EHD2: variants seen among roughly 807,000 people sequenced by gnomAD.
The protein encoded by EHD2 is EH domain-containing protein 2.
EHD2 carries 27 observed loss-of-function variants against 41.0 expected under a neutral mutation model. The observed-to-expected ratio is 0.66, with a 90% CI of 0.49 to 0.91. The LOEUF is 0.91. Ranked by LOEUF, EHD2 falls within the 40% of genes least tolerant of loss-of-function variation. EHD2 has a pLI of 0.00. For missense variants in EHD2, 673 were observed against 773.9 expected, an observed-to-expected ratio of 0.87 and a Z score of 1.55; for synonymous variants, 342 against 341.0, an observed-to-expected ratio of 1.00 and a Z score of -0.03.
intron 3 of EHD2, among the ~76,000 whole-genome samples, chr19:47,723,417 T>C (rs1973717566): frequency 6.6e-6 from 1 of 152,002 alleles, no homozygotes; most frequent in African/African-American, 2.4e-5. Context: ...ATCTCAGCAC[T>C]TTGGGAGGCT....
chr19:47,721,491 T>G (rs1973696476), intron 3 of EHD2, among the ~76,000 whole-genome samples: 2 of 151,978 alleles, frequency 1.3e-5, no homozygotes, highest in South Asian at 4.2e-4. Context: ...TTTTTTTGTA[T>G]TTTTAGTAGA....
At chr19:47,737,876 CTTTTTTTTT>C (rs1226699986) in intron 5 of EHD2, among the ~76,000 whole-genome samples, 1 of 100,054 alleles carries the variant, frequency 1.0e-5, no homozygotes, top group Non-Finnish European at 2.0e-5. Context: ...GCCTGGCTAG[CTTTTTTTTT>C]TTTTTTTTTT....
At chr19:47,730,677 C>T (rs1973798955) in intron 4 of EHD2, among the ~76,000 whole-genome samples, 1 of 152,096 alleles carries the variant, frequency 6.6e-6, no homozygotes, top group South Asian at 2.1e-4. Context: ...AGGGTGTGGA[C>T]GAATCCTCTG....
intron 2 of EHD2, among the ~76,000 whole-genome samples, chr19:47,718,101 C>T (rs141221949): frequency 0.035 from 5,287 of 150,634 alleles, 168 homozygotes; most frequent in African/African-American, 0.089. Context: ...GGTGAAACCC[C>T]GTCTCTACTA....
At position 47,725,982 on chromosome 19, in the gene EHD2, G is replaced by A. The variant is rs1250249549; in HGVS notation, c.673G>A (p.Glu225Lys). Residue 225 changes from glutamate (E) to lysine (K), a missense_variant, in exon 4 of 6, where the codon GAG becomes AAG. Coordinates refer to ENST00000263277, the MANE Select transcript of EHD2 (RefSeq NM_014601.4). The part of the protein sequence containing the change: ...RVVLNKADMV[E>K]TQQLMRVYGA... ...GGTGCTCAACAAGGCCGACATGGTG[G>A]AGACGCAGCAGCTGATGCGCGTCTA... 1 of 1,611,906 alleles carries A rather than the reference G, an allele frequency of 6.2e-7. No homozygotes were observed. The highest frequency in any genetic ancestry group is 8.5e-7 in the Non-Finnish European group (1 of 1,178,466).
In EHD2 at chr19:47,726,026, G is replaced by T; in HGVS notation, c.717G>T (p.Ala239=). 1 of 1,598,298 alleles carries T rather than the reference G, an allele frequency of 6.3e-7. No individual in the cohort carries two copies. Among genetic ancestry groups the T allele is most frequent in the Non-Finnish European group, 8.5e-7 (1 of 1,171,634 alleles). ...GCGTCTACGGCGCGCTCATGTGGGC[G>T]CTGGGCAAGGTGGTGGGCACGCCCG... The part of the protein sequence containing the change: ...LMRVYGALMW[A]LGKVVGTPEV... Residue 239 remains alanine, a synonymous_variant, in exon 4 of 6, where the codon GCG becomes GCT. Coordinates refer to ENST00000263277, the MANE Select transcript of EHD2 (RefSeq NM_014601.4).
In EHD2 at chr19:47,714,581, G is replaced by A. The variant is rs143416008; in HGVS notation, c.-56+1043G>A. ...TGGAGGTGCTCATTGCTCCTGGGTT[G>A]GTCATGGCTAACCTCCCTAACTCAG... On this transcript the variant is annotated intron_variant, in intron 1 of 5. Transcript: ENST00000263277. 2.8e-3 allele frequency among the ~76,000 whole-genome samples: 422 copies of A among 152,200 alleles called. 4 individuals are homozygous for A. Among genetic ancestry groups the A allele is most frequent in the African/African-American group, 9.5e-3 (396 of 41,530 alleles).
chr19:47,717,113 T>C, intron 2 of EHD2, 97 bp downstream of exon 2: 1 of 1,485,570 alleles, frequency 6.7e-7, no homozygotes. Flanking sequence ...AGTGGTGCGA[T>C]CTCAGCTCAT....
Position 47,719,867 on chromosome 19 carries a change from G to C in EHD2, c.502+1261G>C, listed in dbSNP as rs929864285. Reference sequence around the variant, plus strand: ...GGTTCAAAGGCCATGGGTGGTGGGGGAGTGGGGAACGGGGTCTCCCTCCCT... The same window carrying C: ...GGTTCAAAGGCCATGGGTGGTGGGGCAGTGGGGAACGGGGTCTCCCTCCCT... On this transcript the variant is annotated intron_variant, in intron 3 of 5. Transcript: ENST00000263277. This position sits in a 1 kb window ranked among gnomAD's most constrained non-coding sequence, Gnocchi z 4.1. Among the ~76,000 whole-genome samples, 18 of 152,078 alleles carry C rather than the reference G, an allele frequency of 1.2e-4. No homozygotes were observed. Among genetic ancestry groups the C allele is most frequent in the African/African-American group, 4.3e-4 (18 of 41,406 alleles).
At chr19:47,737,876 C>CTTTTT (rs1226699986) in intron 5 of EHD2, among the ~76,000 whole-genome samples, 12 of 100,044 alleles carry the variant, frequency 1.2e-4, no homozygotes, top group Non-Finnish European at 1.6e-4. Context: ...GCCTGGCTAG[C>CTTTTT]TTTTTTTTTT....
In EHD2 at chr19:47,741,044, A is replaced by G. The variant is rs768782730; in HGVS notation, c.1244A>G (p.Glu415Gly). ...GTGGGCGTGCAGGGGGGCGCTTTTGAGGGCACCCACATGGGCCCGTTTGTG... is the reference window on the plus strand; with the variant it reads ...GTGGGCGTGCAGGGGGGCGCTTTTGGGGGCACCCACATGGGCCCGTTTGTG... ...TEVGVQGGAF[E>G]GTHMGPFVER... Residue 415 changes from glutamate (E) to glycine (G), a missense_variant, in exon 6 of 6, where the codon GAG (glutamate) becomes GGG (glycine). Coordinates refer to ENST00000263277, the MANE Select transcript of EHD2 (RefSeq NM_014601.4). This position sits in a 1 kb window ranked among gnomAD's most constrained non-coding sequence, Gnocchi z 4.5. The G allele has an allele frequency of 4.3e-6, 7 of 1,609,632 alleles. No homozygotes were observed. Among genetic ancestry groups the G allele is most frequent in the Non-Finnish European group, 5.1e-6 (6 of 1,179,530 alleles).
At chr19:47,716,099 T>C (rs1599884659) in intron 1 of EHD2, among the ~76,000 whole-genome samples, 1 of 108,680 alleles carries the variant, frequency 9.2e-6, no homozygotes, top group Non-Finnish European at 1.8e-5. Context: ...TGAGATGGGG[T>C]CTTACTCTGT....
At position 47,718,011 on chromosome 19, in the gene EHD2, G is replaced by A. The variant is rs182030475; in HGVS notation, c.405-498G>A. Among the ~76,000 whole-genome samples the A allele has an allele frequency of 1.4e-3, 201 of 148,402 alleles. 1 individual carries two copies. Among genetic ancestry groups the A allele is most frequent in the African/African-American group, 4.6e-3 (185 of 40,476 alleles). ...CTGGTGGCCGGGCGCAGTGTCTCAC[G>A]CCTGTAATCCCAGCACTTTGGGAGG... On this transcript the variant is annotated intron_variant, in intron 2 of 5. Transcript: ENST00000263277.
chr19:47,730,239 C>T (rs1973794441), intron 4 of EHD2, among the ~76,000 whole-genome samples: 1 of 152,010 alleles, frequency 6.6e-6, no homozygotes, highest in South Asian at 2.1e-4. Context: ...TCAGCGCCCT[C>T]CCGCCTACCC....
At chr19:47,718,651 G>GC (rs1973657709) in intron 3 of EHD2, 45 bp downstream of exon 3, 4 of 1,510,398 alleles carry the variant, frequency 2.6e-6, no homozygotes, top group Non-Finnish European at 3.6e-6. Flanking sequence ...AGGGGCTGGG[G>GC]CCTGGACTCC....
At chr19:47,715,082 A>AAATAAAT (rs1375293524) in intron 1 of EHD2, among the ~76,000 whole-genome samples, 26 of 137,414 alleles carry the variant, frequency 1.9e-4, no homozygotes, top group South Asian at 1.4e-3. Flanking sequence ...AATAAATAAA[A>AAATAAAT]AGAAAGAAAA....
intron 4 of EHD2, among the ~76,000 whole-genome samples, chr19:47,734,827 T>A (rs962732711): frequency 6.6e-6 from 1 of 151,094 alleles, no homozygotes; most frequent in African/African-American, 2.4e-5. Flanking sequence ...CCGAGGCGGG[T>A]GGATCTCTTG....
rs1460691435 is a variant in EHD2 at position 47,741,889 on chromosome 19, C to G, written c.*457C>G. The G allele has an allele frequency of 4.4e-6, 2 of 459,216 alleles. No individual in the cohort carries two copies. Among genetic ancestry groups the G allele is most frequent in the Admixed American group, 2.3e-5 (1 of 42,630 alleles). 28.4% of individuals were successfully genotyped at this position (459,216 alleles called of 1,614,324 possible). A position where few individuals can be genotyped will look rare whatever the true frequency, so the allele number is the denominator to read the frequency against. ...TAATTCCTGGCAGGGCCCCCAGCCC[C>G]TCCCCTGGCTGAGCAGCCCTGTGGC... On this transcript the variant is annotated 3_prime_UTR_variant, in exon 6 of 6. Coordinates refer to ENST00000263277, the MANE Select transcript of EHD2 (RefSeq NM_014601.4). The surrounding 1 kb of genome is among the most constrained non-coding windows in gnomAD (Gnocchi z 4.5).
At chr19:47,716,500 C>A in intron 1 of EHD2, 58 bp from the exon 2 acceptor site, 1 of 1,233,276 alleles carries the variant, frequency 8.1e-7, no homozygotes, top group Non-Finnish European at 1.1e-6. Flanking sequence ...TACACTCAGA[C>A]CCCTTTCTTC....
Sources: gnomAD v4.1 joint callset for allele counts (sites outside exome capture counted in the v4.1 genomes callset) on GRCh38, gnomAD v4.1.1 for gene constraint, Gnocchi (gnomAD v3.1) non-coding constraint, MANE v1.5 for transcripts, NCBI Gene and HGNC (gene_info 2026-07-23, HGNC 2026-07-21) for gene names.